IFIT5: variants seen among roughly 807,000 people sequenced by gnomAD.
IFIT5 encodes the protein interferon-induced protein with tetratricopeptide repeats 5.
Under a neutral mutation model 5.0 loss-of-function variants are expected in IFIT5, and 2 were observed. That is an observed-to-expected ratio of 0.40 (90% confidence interval 0.16 to 1.26). IFIT5 has a LOEUF of 1.26. IFIT5 is among the 50% of genes most tolerant of loss of function. The pLI, the probability that IFIT5 is intolerant of heterozygous loss-of-function variation, is 0.33. For missense variants in IFIT5, 524 were observed against 563.2 expected (o/e 0.93, Z 0.70); for synonymous variants, 206 against 204.6 (o/e 1.01, Z -0.06).
rs978004153 is a variant in IFIT5, at chr10:89,417,801, T to A, written c.602T>A (p.Leu201Gln). 6.2e-7 allele frequency: 1 copy of A among 1,614,204 alleles called. No individual in the cohort carries two copies. Among genetic ancestry groups the A allele is most frequent in the Non-Finnish European group, 8.5e-7 (1 of 1,180,022 alleles). The change falls in exon 2 of 2, where the codon CTG becomes CAG. Residue 201 changes from leucine to glutamine, a missense_variant. Transcript: ENST00000371795. ...DREGSVKSFS[L>Q]GPLRKAVTLN... ...GAAGGGTCTGTAAAGAGCTTTTCTC[T>A]GGGGCCTTTGAGAAAGGCTGTTACC... is the stretch of plus-strand genomic sequence containing the variant.
In IFIT5 at chr10:89,417,744, T is replaced by C. The variant is rs1841555086; in HGVS notation, c.545T>C (p.Ile182Thr). The change falls in exon 2 of 2, where the codon ATC becomes ACC. Residue 182 changes from isoleucine to threonine, a missense_variant. Ile to Thr is a moderately conservative substitution (Grantham distance 89, BLOSUM62 -1). Coordinates refer to ENST00000371795, the MANE Select transcript of IFIT5 (RefSeq NM_012420.3). ...DNPEFNIGYA[I>T]TVYRLDDSDR... ...CCAGAATTTAACATCGGCTATGCTA[T>C]CACAGTGTATCGGCTGGATGATTCT... 1 of 1,614,090 alleles carries C rather than the reference T, an allele frequency of 6.2e-7. No homozygotes were observed. Among genetic ancestry groups the C allele is most frequent in the Non-Finnish European group, 8.5e-7 (1 of 1,180,032 alleles).
chr10:89,417,536 G>T lies in IFIT5; in HGVS notation c.337G>T (p.Ala113Ser), dbSNP rs1215532544. 1 of 1,614,232 alleles carries T rather than the reference G, an allele frequency of 6.2e-7. No homozygotes were observed. Among genetic ancestry groups the T allele is most frequent in the South Asian group, 1.1e-5 (1 of 91,088 alleles). ...TTATCACATGGACCAGCTTGAAGAA[G>T]CTCAGAAGTATACAGGTAAGATAGG... Reference protein sequence around the residue: ...VYYHMDQLEEAQKYTGKIGNV... With the variant: ...VYYHMDQLEESQKYTGKIGNV... Residue 113 changes from alanine to serine, a missense_variant, in exon 2 of 2, where the codon GCT (alanine) becomes TCT (serine). Transcript: ENST00000371795.
rs1461563650 is a variant in IFIT5 at position 89,418,715 on chromosome 10, T to A, written c.*67T>A. 6.2e-6 allele frequency: 9 copies of A among 1,448,314 alleles called. No individual in the cohort carries two copies. The highest frequency in any genetic ancestry group is 8.4e-6 in the Non-Finnish European group (9 of 1,073,802). 89.7% of individuals were successfully genotyped at this position (1,448,314 alleles called of 1,614,324 possible). A position where few individuals can be genotyped will look rare whatever the true frequency, so the allele number is the denominator to read the frequency against. ...TTTGGGTTCTCCTGTTTGTTTTTTT[T>A]TTATTATTTTAATCCCTTGTTTATT... On this transcript the variant is annotated 3_prime_UTR_variant, in exon 2 of 2. Transcript: ENST00000371795.
At position 89,417,801 on chromosome 10, in the gene IFIT5, T is replaced by G. The variant is rs978004153; in HGVS notation, c.602T>G (p.Leu201Arg). Residue 201 changes from leucine (L) to arginine (R), a missense_variant, in exon 2 of 2, where the codon CTG becomes CGG. Physicochemically the swap from Leu to Arg is moderately radical, Grantham distance 102. Coordinates refer to ENST00000371795, the MANE Select transcript of IFIT5 (RefSeq NM_012420.3). Reference sequence around the variant, plus strand: ...GAAGGGTCTGTAAAGAGCTTTTCTCTGGGGCCTTTGAGAAAGGCTGTTACC... The same window carrying G: ...GAAGGGTCTGTAAAGAGCTTTTCTCGGGGGCCTTTGAGAAAGGCTGTTACC... ...DREGSVKSFS[L>R]GPLRKAVTLN... The G allele has an allele frequency of 6.2e-7, 1 of 1,614,204 alleles. No homozygotes were observed. The highest frequency in any genetic ancestry group is 1.1e-5 in the South Asian group (1 of 91,088).
rs751963658 is a variant in IFIT5 at position 89,414,840 on chromosome 10, C to T, written c.5+37C>T. ...CCTTTGCCTCTCCTCCCAAGCCCTG[C>T]GTCGGCCTTGGTTTCAAACCGGGCT... is the stretch of plus-strand genomic sequence containing the variant. On this transcript the variant is annotated intron_variant, in intron 1 of 1. Coordinates refer to ENST00000371795, the MANE Select transcript of IFIT5 (RefSeq NM_012420.3). 6.2e-6 allele frequency: 10 copies of T among 1,604,772 alleles called. No homozygotes were observed. In the Admixed American group the frequency reaches 1.5e-4, roughly 24 times the overall value.
chr10:89,414,881 C>T (rs1178753623), intron 1 of IFIT5, 78 bp downstream of exon 1: 3 of 1,549,678 alleles, frequency 1.9e-6, no homozygotes, highest in Non-Finnish European at 2.6e-6. Flanking sequence ...TATTCATTTC[C>T]AGCGCAGTTC....
Position 89,418,320 on chromosome 10 carries a change from A to G in IFIT5, c.1121A>G (p.His374Arg). ...ALRLENITDD[H>R]KHQIHYHYGR... Reference sequence around the variant, plus strand: ...CGTCTGGAGAACATAACCGATGATCACAAACATCAGATCCATTACCACTAT... The same window carrying G: ...CGTCTGGAGAACATAACCGATGATCGCAAACATCAGATCCATTACCACTAT... The change falls in exon 2 of 2, where the codon CAC becomes CGC. Residue 374 changes from histidine (H) to arginine (R), a missense_variant. Physicochemically the swap from His to Arg is conservative, Grantham distance 29. Transcript: ENST00000371795. 6.2e-7 allele frequency: 1 copy of G among 1,614,210 alleles called. No homozygotes were observed.
rs1841571092 is a variant in IFIT5 at position 89,418,771 on chromosome 10, T to C, written c.*123T>C. The stretch of plus-strand genomic sequence containing the variant: ...GCTAATATTTATTGAATAGTTATTG[T>C]GTACCAAGCATTGTGCTAAATACTT... On this transcript the variant is annotated 3_prime_UTR_variant, in exon 2 of 2. Transcript: ENST00000371795. The C allele has an allele frequency of 1.0e-6, 1 of 988,322 alleles. No individual in the cohort carries two copies. The highest frequency in any genetic ancestry group is 1.5e-6 in the Non-Finnish European group (1 of 681,102). The allele number at this position is 988,322 out of a possible 1,614,324, so 61.2% of individuals were successfully genotyped here. A position where few individuals can be genotyped will look rare whatever the true frequency, so the allele number is the denominator to read the frequency against.
intron 1 of IFIT5, among the ~76,000 whole-genome samples, chr10:89,415,853 A>G (rs559360325): frequency 8.9e-4 from 136 of 152,360 alleles, no homozygotes; most frequent in Non-Finnish European, 1.5e-3. Context: ...TGCTTAGCAC[A>G]TAATACTTGC....
At position 89,418,454 on chromosome 10, in the gene IFIT5, G is replaced by A; in HGVS notation, c.1255G>A (p.Ala419Thr). Residue 419 changes from alanine (A) to threonine (T), a missense_variant, in exon 2 of 2, where the codon GCT becomes ACT. Coordinates refer to ENST00000371795, the MANE Select transcript of IFIT5 (RefSeq NM_012420.3). ...ACCCCTTCGCACCAAACTGACAAGT[G>A]CTCTGAAGAAATTGTCTACCAAGAG... ...RSPLRTKLTS[A>T]LKKLSTKRLC... 1 of 1,614,134 alleles carries A rather than the reference G, an allele frequency of 6.2e-7. No individual in the cohort carries two copies. The highest frequency in any genetic ancestry group is 8.5e-7 in the Non-Finnish European group (1 of 1,179,962).
intron 1 of IFIT5, among the ~76,000 whole-genome samples, chr10:89,415,264 G>T (rs2133650497): frequency 6.6e-6 from 1 of 152,350 alleles, no homozygotes; most frequent in South Asian, 2.1e-4. Flanking sequence ...ACTGGTCAGC[G>T]CCTGCAGAGC....
rs376725006 is a variant in IFIT5, at chr10:89,418,350, G to A, written c.1151G>A (p.Arg384His). Residue 384 changes from arginine to histidine, a missense_variant, in exon 2 of 2, where the codon CGC (arginine) becomes CAC (histidine). Physicochemically the swap from Arg to His is conservative, Grantham distance 29. Transcript: ENST00000371795. ...CATCAGATCCATTACCACTATGGCC[G>A]CTTTCAGGAATTTCACCGTAAATCA... is the stretch of plus-strand genomic sequence containing the variant. ...HKHQIHYHYG[R>H]FQEFHRKSEN... 30 of 1,613,992 alleles carry A rather than the reference G, an allele frequency of 1.9e-5. No homozygotes were observed. The highest frequency in any genetic ancestry group is 2.1e-5 in the Non-Finnish European group (25 of 1,179,994).
chr10:89,414,757 G>C lies in IFIT5; in HGVS notation c.-42G>C, dbSNP rs759425303. On this transcript the variant is annotated 5_prime_UTR_variant, in exon 1 of 2. Transcript: ENST00000371795. ...CCCGGTGCTGAGGAGAGAGCGATCC[G>C]AGGGACTGCGCCGCCCGGACGGCCT... 6.9e-6 allele frequency: 11 copies of C among 1,603,506 alleles called. No individual in the cohort carries two copies. In the Admixed American group the frequency reaches 1.2e-4, roughly 17 times the overall value.
At chr10:89,415,488 A>G (rs536718859) in intron 1 of IFIT5, among the ~76,000 whole-genome samples, 1 of 152,318 alleles carries the variant, frequency 6.6e-6, no homozygotes, top group East Asian at 1.9e-4. Context: ...TACCAAGCAC[A>G]GATTGTTATC....
chr10:89,416,631 C>T (rs559669408), intron 1 of IFIT5, among the ~76,000 whole-genome samples: 1 of 152,336 alleles, frequency 6.6e-6, no homozygotes, highest in African/African-American at 2.4e-5. Context: ...CAACCAAATC[C>T]ATAATACCTG....
In IFIT5 at chr10:89,418,613, C is replaced by G. The variant is rs751942622; in HGVS notation, c.1414C>G (p.Leu472Val). ...QKIDPENAEFLTALCELRLSI is the reference protein window; with the variant it reads ...QKIDPENAEFVTALCELRLSI The stretch of plus-strand genomic sequence containing the variant: ...GATAGATCCAGAAAATGCAGAATTC[C>G]TGACTGCTCTCTGTGAGCTCCGACT... The change falls in exon 2 of 2, where the codon CTG becomes GTG. Residue 472 changes from leucine to valine, a missense_variant. Transcript: ENST00000371795. 14 of 1,613,506 alleles carry G rather than the reference C, an allele frequency of 8.7e-6. No individual in the cohort carries two copies. The highest frequency in any genetic ancestry group is 1.0e-5 in the Non-Finnish European group (12 of 1,179,672).
rs1564817541 is a variant in IFIT5, at chr10:89,418,184, G to A, written c.985G>A (p.Ala329Thr). The A allele has an allele frequency of 1.2e-6, 2 of 1,614,100 alleles. No individual in the cohort carries two copies. Among genetic ancestry groups the A allele is most frequent in the East Asian group, 4.5e-5 (2 of 44,900 alleles). The change falls in exon 2 of 2, where the codon GCA becomes ACA. Residue 329 changes from alanine (A) to threonine (T), a missense_variant. Physicochemically the swap from Ala to Thr is moderately conservative, Grantham distance 58. Transcript: ENST00000371795. ...TTCATCTGCTATATTTCATTTCAAA[G>A]CAGCCATGGAACGAGACTCTATGTT... ...LISSAIFHFKAAMERDSMFAF... is the reference protein window; with the variant it reads ...LISSAIFHFKTAMERDSMFAF...
Position 89,417,863 on chromosome 10 carries a change from G to A in IFIT5, c.664G>A (p.Ala222Thr). ...TAACAGCTATATTAAGGTTTTTCTGGCACTGAAGCTTCAAGATGTACATGC... is the reference window on the plus strand; with the variant it reads ...TAACAGCTATATTAAGGTTTTTCTGACACTGAAGCTTCAAGATGTACATGC... ...PDNSYIKVFLALKLQDVHAEA... is the reference protein window; with the variant it reads ...PDNSYIKVFLTLKLQDVHAEA... Residue 222 changes from alanine (A) to threonine (T), a missense_variant, in exon 2 of 2, where the codon GCA becomes ACA. Physicochemically the swap from Ala to Thr is moderately conservative, Grantham distance 58 (BLOSUM62 0). Coordinates refer to ENST00000371795, the MANE Select transcript of IFIT5 (RefSeq NM_012420.3). 1 of 1,614,164 alleles carries A rather than the reference G, an allele frequency of 6.2e-7. No individual in the cohort carries two copies.
At position 89,420,861 on chromosome 10, in the gene IFIT5, G is replaced by A. The variant is rs1841591341; in HGVS notation, c.*2213G>A. Reference sequence around the variant, plus strand: ...CTACTGATGGACATGTGAAAAGTAAGTATAAATGGAATAAAATTAATTAGG... The same window carrying A: ...CTACTGATGGACATGTGAAAAGTAAATATAAATGGAATAAAATTAATTAGG... On this transcript the variant is annotated 3_prime_UTR_variant, in exon 2 of 2. Transcript: ENST00000371795. The A allele has an allele frequency of 6.6e-6, 1 of 152,162 alleles. No individual in the cohort carries two copies. The highest frequency in any genetic ancestry group is 2.1e-4 in the South Asian group (1 of 4,832). 9.4% of individuals were successfully genotyped at this position (152,162 alleles called of 1,614,324 possible).
Sources: allele counts gnomAD v4.1 joint callset (sites outside exome capture counted in the v4.1 genomes callset), GRCh38; gene constraint gnomAD v4.1.1; transcripts MANE v1.5; gene names NCBI Gene and HGNC (gene_info 2026-07-23, HGNC 2026-07-21).